The following ZNF438 variants were observed in gnomAD, a reference collection of about 807,000 sequenced individuals.
ZNF438 encodes the protein zinc finger protein 438.
Under a neutral mutation model 38.0 loss-of-function variants are expected in ZNF438, and 25 were observed. That is an observed-to-expected ratio of 0.66 (90% CI 0.48 to 0.92). The LOEUF (loss-of-function observed/expected upper bound fraction) is 0.92. ZNF438 is among the 40% of genes least tolerant of loss of function. ZNF438 has a pLI of 0.00. For missense variants in ZNF438, 1,007 were observed against 999.6 expected (o/e 1.01, Z -0.10); for synonymous variants, 372 against 364.1 (o/e 1.02, Z -0.25).
intron 4 of ZNF438, among the ~76,000 whole-genome samples, chr10:30,860,094 T>C (rs1588833376): frequency 6.6e-6 from 1 of 152,012 alleles, no homozygotes. Flanking sequence ...AAGCCAACCA[T>C]AAAACCTGAA....
At chr10:30,912,492 C>T (rs1450866171) in intron 2 of ZNF438, among the ~76,000 whole-genome samples, 4 of 152,080 alleles carry the variant, frequency 2.6e-5, no homozygotes, top group African/African-American at 9.7e-5. Context: ...ATATCTCATC[C>T]ATTTCACAGA....
chr10:30,914,901 T>C (rs1002408261), intron 2 of ZNF438, among the ~76,000 whole-genome samples: 1 of 152,024 alleles, frequency 6.6e-6, no homozygotes, highest in Non-Finnish European at 1.5e-5. Context: ...TAAACAACTA[T>C]TTATGACCTA....
At chr10:30,942,007 T>A (rs117262772) in intron 1 of ZNF438, among the ~76,000 whole-genome samples, 1,676 of 152,308 alleles carry the variant, frequency 0.011, 18 homozygotes, top group Non-Finnish European at 0.016. Context: ...TGAAATTGAA[T>A]AAGAGACAGT....
chr10:31,026,414 T>C (rs2056946554), intron 1 of ZNF438, among the ~76,000 whole-genome samples: 1 of 151,972 alleles, frequency 6.6e-6, no homozygotes, highest in East Asian at 1.9e-4. Context: ...AACAACCCCA[T>C]CAACAAGTGT....
chr10:30,960,839 G>A lies in ZNF438; in HGVS notation c.-191-19188C>T, dbSNP rs957965180. On this transcript the variant is annotated intron_variant, in intron 1 of 5. Coordinates refer to ENST00000413025, the Ensembl canonical transcript of ZNF438. ...ATAAAATAGGCTATATTTTAAAGAC[G>A]TTTTCAAAATAACATAATCCTTTTA... Among the ~76,000 whole-genome samples, 12 of 146,498 alleles carry A rather than the reference G, an allele frequency of 8.2e-5. 3 individuals are homozygous for A. The highest frequency in any genetic ancestry group is 1.5e-4 in the Non-Finnish European group (10 of 64,636).
At chr10:31,016,417 T>A (rs1310810104) in intron 1 of ZNF438, among the ~76,000 whole-genome samples, 1 of 152,238 alleles carries the variant, frequency 6.6e-6, no homozygotes, top group Non-Finnish European at 1.5e-5. Context: ...CATTACCATC[T>A]CTATTAACTA....
chr10:30,892,650 T>C (rs1200337937), intron 3 of ZNF438, among the ~76,000 whole-genome samples: 1 of 152,116 alleles, frequency 6.6e-6, no homozygotes. Context: ...TCTCATTCTA[T>C]TCCCCCAATT....
At chr10:30,897,785 C>A (rs1345834110) in intron 3 of ZNF438, among the ~76,000 whole-genome samples, 1 of 152,122 alleles carries the variant, frequency 6.6e-6, no homozygotes, top group African/African-American at 2.4e-5. Context: ...GTGGTGAGGA[C>A]ATGTGGGGGC....
At chr10:30,885,486 G>C (rs749972571) in intron 3 of ZNF438, among the ~76,000 whole-genome samples, 2 of 152,164 alleles carry the variant, frequency 1.3e-5, no homozygotes, top group Non-Finnish European at 2.9e-5. Flanking sequence ...CCTACCACTA[G>C]GTAATTCACA....
chr10:30,953,670 A>AC lies in ZNF438; in HGVS notation c.-191-12020_-191-12019insG, dbSNP rs1491118291. Among the ~76,000 whole-genome samples the AC allele has an allele frequency of 7.1e-4, 18 of 25,454 alleles. No individual in the cohort carries two copies. The African/African-American group carries it at 1.0e-2, about 14-fold the overall frequency. The allele number at this position is 25,454 out of a possible 152,430, so 16.7% of individuals were successfully genotyped here. On this transcript the variant is annotated intron_variant, in intron 1 of 5. Transcript: ENST00000413025. ...AAAAAACATACACACACACACACAC[A>AC]AAAAAAAAACAAACATGTGGCATTG...
chr10:31,019,134 C>T (rs1486356061), intron 1 of ZNF438, among the ~76,000 whole-genome samples: 1 of 152,176 alleles, frequency 6.6e-6, no homozygotes, highest in East Asian at 1.9e-4. Context: ...AATCTATTCT[C>T]CATAGTCATC....
In ZNF438 at chr10:30,902,837, G is replaced by A. The variant is rs538089427; in HGVS notation, c.-32+6096C>T. On this transcript the variant is annotated intron_variant, in intron 3 of 5. Transcript: ENST00000413025. ...TCCTCAGCCCTTGGGTGGTAGATGG[G>A]ACCAGGCGCCGTGCAGCAGCGGGTG... 2.0e-4 allele frequency among the ~76,000 whole-genome samples: 30 copies of A among 152,344 alleles called. No individual in the cohort carries two copies. In the South Asian group the frequency reaches 5.8e-3, roughly 29 times the overall value.
chr10:30,927,531 C>T (rs890599380), intron 2 of ZNF438, among the ~76,000 whole-genome samples: 2 of 152,220 alleles, frequency 1.3e-5, no homozygotes, highest in Non-Finnish European at 2.9e-5. Flanking sequence ...CTTCAATATG[C>T]TTCCTGCCAT....
rs372363658 is a variant in ZNF438 at position 31,014,363 on chromosome 10, C to T, written c.-192+17470G>A. 3.3e-5 allele frequency among the ~76,000 whole-genome samples: 5 copies of T among 152,338 alleles called. No individual in the cohort carries two copies. In the East Asian group the frequency reaches 9.6e-4, roughly 29 times the overall value. On this transcript the variant is annotated intron_variant, in intron 1 of 5. Coordinates refer to ENST00000413025, the Ensembl canonical transcript of ZNF438. Reference sequence around the variant, plus strand: ...GGTCGCTTTCTGATAAGGGCCACTTCTGGGCTTGCAGACAGCCACCTTACC... The same window carrying T: ...GGTCGCTTTCTGATAAGGGCCACTTTTGGGCTTGCAGACAGCCACCTTACC...
chr10:30,863,036 A>T (rs564574496), intron 4 of ZNF438, among the ~76,000 whole-genome samples: 86 of 152,324 alleles, frequency 5.6e-4, no homozygotes, highest in African/African-American at 1.8e-3. Flanking sequence ...ACTCACAGTG[A>T]TTTATAACAT....
At chr10:30,948,654 T>C (rs891109730) in intron 1 of ZNF438, among the ~76,000 whole-genome samples, 30 of 150,796 alleles carry the variant, frequency 2.0e-4, no homozygotes, top group Non-Finnish European at 3.5e-4. Context: ...GTATCAGCGA[T>C]GGAAGATGAA....
chr10:30,923,392 C>T (rs1018393636), intron 2 of ZNF438: 2 of 152,120 alleles, frequency 1.3e-5, no homozygotes, highest in Non-Finnish European at 2.9e-5. Flanking sequence ...TTTTCTTCTT[C>T]AATTTCTTTC....
chr10:30,945,592 C>A (rs1348974415), intron 1 of ZNF438, among the ~76,000 whole-genome samples: 2 of 147,948 alleles, frequency 1.4e-5, no homozygotes, highest in Admixed American at 1.4e-4. Flanking sequence ...GTGATATTCC[C>A]CTTCCTGTGT....
At chr10:31,006,404 GC>G (rs1443799402) in intron 1 of ZNF438, among the ~76,000 whole-genome samples, 1 of 152,160 alleles carries the variant, frequency 6.6e-6, no homozygotes, top group Non-Finnish European at 1.5e-5. Flanking sequence ...CTTTCAAATA[GC>G]TGAACACATG....
Sources: gnomAD v4.1 joint callset for allele counts (sites outside exome capture counted in the v4.1 genomes callset) on GRCh38, gnomAD v4.1.1 for gene constraint, MANE v1.5 for transcripts, NCBI Gene and HGNC (gene_info 2026-07-23, HGNC 2026-07-21) for gene names.